DPP6: variants seen among roughly 807,000 people sequenced by gnomAD.
The protein encoded by DPP6 is dipeptidyl peptidase like 6.
In DPP6, 69 loss-of-function variants were observed where a neutral mutation model predicts 122.6. The ratio of observed to expected loss-of-function variants is 0.56; its 90% confidence interval spans 0.46 to 0.69. The LOEUF is 0.69. Ranked by LOEUF, DPP6 falls within the 30% of genes least tolerant of loss-of-function variation. The pLI is 0.00. For synonymous variants in DPP6, 418 were observed against 433.1 expected, an observed-to-expected ratio of 0.97 and a Z score of 0.43; for missense variants, 928 against 1,116.9, an observed-to-expected ratio of 0.83 and a Z score of 2.41.
At chr7:154,480,323 C>CT (rs1400290677) in intron 3 of DPP6, among the ~76,000 whole-genome samples, 1 of 152,166 alleles carries the variant, frequency 6.6e-6, no homozygotes, top group Non-Finnish European at 1.5e-5. Context: ...TTCTTCCACT[C>CT]TCCCTAAATC....
At chr7:154,006,756 A>G (rs1210143984) in intron 1 of DPP6, among the ~76,000 whole-genome samples, 1 of 152,246 alleles carries the variant, frequency 6.6e-6, no homozygotes. Flanking sequence ...GAGCACTTAA[A>G]AGACTATCTG....
At chr7:154,769,648 A>G (rs778362492) in intron 9 of DPP6, 77 bp downstream of exon 9, 13 of 1,424,928 alleles carry the variant, frequency 9.1e-6, no homozygotes, top group Non-Finnish European at 1.2e-5. Flanking sequence ...CAGTGTGCAG[A>G]CGTGATCATC....
chr7:154,456,502 A>G (rs945383016), intron 2 of DPP6, among the ~76,000 whole-genome samples: 1 of 152,018 alleles, frequency 6.6e-6, no homozygotes, highest in Admixed American at 6.5e-5. Context: ...ATGCCTTCTA[A>G]AGTGGTGGGT....
intron 5 of DPP6, among the ~76,000 whole-genome samples, chr7:154,616,721 CACAA>C (rs1834283674): frequency 1.3e-5 from 2 of 152,206 alleles, no homozygotes; most frequent in South Asian, 4.2e-4. Context: ...AGAAAAGCAG[CACAA>C]ACAGTGAAAC....
chr7:153,788,965 CA>C, the DPP6 span, among the ~76,000 whole-genome samples: 64,962 of 134,438 alleles, frequency 0.48, 14,547 homozygotes, highest in South Asian at 0.56. Context: ...AAGTCTGTCT[CA>C]AAAAAAAAAA....
At chr7:154,359,298 T>G (rs1019362037) in intron 1 of DPP6, among the ~76,000 whole-genome samples, 11 of 152,140 alleles carry the variant, frequency 7.2e-5, no homozygotes, top group Admixed American at 1.3e-4. Context: ...TTGCCAACCC[T>G]GTTGGTGTTG....
intron 1 of DPP6, among the ~76,000 whole-genome samples, chr7:154,005,108 C>G (rs904232315): frequency 6.6e-5 from 10 of 152,078 alleles, no homozygotes; most frequent in Admixed American, 1.3e-4. Context: ...GATGCAAATT[C>G]TTATTCTCCA....
chr7:154,467,726 A>T (rs1451745357), intron 2 of DPP6, among the ~76,000 whole-genome samples: 1 of 152,180 alleles, frequency 6.6e-6, no homozygotes, highest in Non-Finnish European at 1.5e-5. Context: ...GTTTCTACAG[A>T]TATAAATTCT....
At chr7:154,405,069 ATATG>A (rs1417801012) in intron 1 of DPP6, among the ~76,000 whole-genome samples, 1 of 152,242 alleles carries the variant, frequency 6.6e-6, no homozygotes, top group Non-Finnish European at 1.5e-5. Context: ...GCATATATTT[ATATG>A]TATGTGTACA....
At chr7:154,044,656 A>C (rs1799930394) in intron 1 of DPP6, among the ~76,000 whole-genome samples, 2 of 152,330 alleles carry the variant, frequency 1.3e-5, no homozygotes, top group South Asian at 2.1e-4. Context: ...TGTACATGGA[A>C]ATTTAGAGGG....
chr7:153,948,329 AT>A (rs1265492783), intron 1 of DPP6, among the ~76,000 whole-genome samples: 3 of 152,196 alleles, frequency 2.0e-5, no homozygotes, highest in Non-Finnish European at 2.9e-5. Context: ...AAAATGAAGC[AT>A]TGTTATGTAC....
At chr7:154,399,538 A>G (rs369915259) in intron 1 of DPP6, among the ~76,000 whole-genome samples, 13 of 152,340 alleles carry the variant, frequency 8.5e-5, no homozygotes, top group African/African-American at 2.6e-4. Flanking sequence ...CTAAACTCCA[A>G]TGCCAGGTGT....
chr7:154,014,935 A>G (rs1798332497), intron 1 of DPP6, among the ~76,000 whole-genome samples: 1 of 151,958 alleles, frequency 6.6e-6, no homozygotes, highest in Non-Finnish European at 1.5e-5. Context: ...TACTTATTAA[A>G]CTCATTCCTT....
chr7:154,146,571 C>T (rs1585481762), intron 1 of DPP6, among the ~76,000 whole-genome samples: 1 of 152,342 alleles, frequency 6.6e-6, no homozygotes, highest in East Asian at 1.9e-4. Flanking sequence ...CAGGTGCTCC[C>T]TGCAGGCTTG....
the DPP6 span, among the ~76,000 whole-genome samples, chr7:153,800,226 GAAT>G: frequency 4.6e-5 from 7 of 152,084 alleles, no homozygotes; most frequent in Non-Finnish European, 1.0e-4. Context: ...ACACACAATG[GAAT>G]ACTAGTTAGC....
chr7:154,656,069 A>C (rs1217505284), intron 6 of DPP6, among the ~76,000 whole-genome samples: 6 of 151,496 alleles, frequency 4.0e-5, no homozygotes, highest in Non-Finnish European at 7.4e-5. Flanking sequence ...AGTGACAGAG[A>C]AGGGTGTGGA....
Position 154,755,877 on chromosome 7 carries a change from C to CA in DPP6, c.884-13540_884-13539insA, listed in dbSNP as rs1267038660. On this transcript the variant is annotated intron_variant, in intron 8 of 25. Coordinates refer to ENST00000377770, the MANE Select transcript of DPP6 (RefSeq NM_130797.4). This position sits in a 1 kb window ranked among gnomAD's most constrained non-coding sequence, Gnocchi z 4.7. ...TCTGTCTTCATCGTGTGTCTTGGGT[C>CA]CCCCTTCGTAATGATACTGTCCTCA... 7.2e-5 allele frequency among the ~76,000 whole-genome samples: 11 copies of CA among 152,078 alleles called. No individual in the cohort carries two copies. Among genetic ancestry groups the CA allele is most frequent in the African/African-American group, 2.7e-4 (11 of 41,396 alleles).
intron 1 of DPP6, among the ~76,000 whole-genome samples, chr7:153,960,272 C>G (rs1212905585): frequency 6.6e-6 from 1 of 152,120 alleles, no homozygotes; most frequent in African/African-American, 2.4e-5. Flanking sequence ...TATTTTATAA[C>G]ATTTTACCCA....
At chr7:154,783,121 G>A (rs1242408612) in intron 10 of DPP6, among the ~76,000 whole-genome samples, 1 of 152,124 alleles carries the variant, frequency 6.6e-6, no homozygotes, top group African/African-American at 2.4e-5. Context: ...AACCTGACTT[G>A]CCTCCTTAGA....
Sources: gnomAD v4.1 joint callset for allele counts (sites outside exome capture counted in the v4.1 genomes callset) on GRCh38, gnomAD v4.1.1 for gene constraint, Gnocchi (gnomAD v3.1) non-coding constraint, MANE v1.5 for transcripts, NCBI Gene and HGNC (gene_info 2026-07-23, HGNC 2026-07-21) for gene names.